The following PMS1 variants were observed in gnomAD, a reference collection of about 807,000 sequenced individuals.
The protein encoded by PMS1 is PMS1 protein homolog 1.
A neutral mutation model predicts 93.1 loss-of-function variants in PMS1; 79 were observed. The ratio of observed to expected loss-of-function variants is 0.85; its 90% CI spans 0.71 to 1.02. The LOEUF is 1.02. PMS1 is among the 50% of genes least tolerant of loss of function. The pLI, the probability that PMS1 is intolerant of heterozygous loss-of-function variation, is 0.00. For synonymous variants in PMS1, 335 were observed against 363.4 expected (o/e 0.92, Z 0.89); for missense variants, 1,064 against 1,085.3 (o/e 0.98, Z 0.28).
chr2:189,831,868 G>A (rs184802708), intron 5 of PMS1, among the ~76,000 whole-genome samples: 17 of 151,984 alleles, frequency 1.1e-4, no homozygotes, highest in Admixed American at 9.8e-4. Flanking sequence ...TGCACCCTCC[G>A]CCTCCCAGGT....
chr2:189,806,030 TG>T (rs1473424420), intron 4 of PMS1: 1 of 963,046 alleles, frequency 1.0e-6, no homozygotes, highest in Non-Finnish European at 1.5e-6. Context: ...TTACCAGTGC[TG>T]GATTACCAGT....
chr2:189,789,670 C>T (rs3762544), intron 1 of PMS1, among the ~76,000 whole-genome samples: 1 of 151,996 alleles, frequency 6.6e-6, no homozygotes, highest in East Asian at 1.9e-4. Flanking sequence ...AGAAATAATC[C>T]TAAACTGATG....
chr2:189,808,325 T>C (rs2050521383), intron 4 of PMS1, among the ~76,000 whole-genome samples: 1 of 152,036 alleles, frequency 6.6e-6, no homozygotes, highest in African/African-American at 2.4e-5. Flanking sequence ...AAACGTAATT[T>C]ATTATTATTA....
At chr2:189,870,398 T>C (rs1054078028) in intron 11 of PMS1, among the ~76,000 whole-genome samples, 24 of 152,206 alleles carry the variant, frequency 1.6e-4, no homozygotes, top group Admixed American at 6.5e-5. Context: ...CAATAAGAAT[T>C]CCATATTTTA....
rs770499815 is a variant in PMS1, at chr2:189,805,850, G to A, written c.418+96G>A. 3.2e-6 allele frequency: 5 copies of A among 1,563,484 alleles called. No homozygotes were observed. In the East Asian group the frequency reaches 1.2e-4, roughly 37 times the overall value. Reference sequence around the variant, plus strand: ...GTTACTCGGTGAATACAAATATATTGCTTTGGGCTTGGTCCTGATAAAGGC... The same window carrying A: ...GTTACTCGGTGAATACAAATATATTACTTTGGGCTTGGTCCTGATAAAGGC... On this transcript the variant is annotated intron_variant, in intron 4 of 12. Transcript: ENST00000441310.
At chr2:189,838,185 G>A (rs182476450) in intron 5 of PMS1, among the ~76,000 whole-genome samples, 4 of 152,264 alleles carry the variant, frequency 2.6e-5, no homozygotes, top group Admixed American at 2.6e-4. Flanking sequence ...TATGTTAAGA[G>A]GAAAGAAAAG....
chr2:189,874,648 T>C (rs2057411861), intron 12 of PMS1, among the ~76,000 whole-genome samples: 1 of 152,154 alleles, frequency 6.6e-6, no homozygotes, highest in Admixed American at 6.5e-5. Context: ...TTGTTTACAG[T>C]TGGTAGTGTG....
chr2:189,839,851 A>G (rs1436224264), intron 5 of PMS1, among the ~76,000 whole-genome samples: 1 of 152,210 alleles, frequency 6.6e-6, no homozygotes, highest in Non-Finnish European at 1.5e-5. Flanking sequence ...CAAACTCAAA[A>G]TTAGTTACTT....
intron 5 of PMS1, among the ~76,000 whole-genome samples, chr2:189,823,408 G>A (rs1184234048): frequency 6.6e-6 from 1 of 151,996 alleles, no homozygotes; most frequent in Non-Finnish European, 1.5e-5. Flanking sequence ...ATCTCCTAAT[G>A]CTATCCCTCC....
At chr2:189,790,734 T>G (rs1208370933) in intron 1 of PMS1, among the ~76,000 whole-genome samples, 1 of 152,198 alleles carries the variant, frequency 6.6e-6, no homozygotes, top group Non-Finnish European at 1.5e-5. Context: ...ATCATTTTAA[T>G]AAACGGCAGT....
intron 1 of PMS1, among the ~76,000 whole-genome samples, chr2:189,786,204 G>C (rs4666784): frequency 1.3e-5 from 2 of 152,074 alleles, no homozygotes. Context: ...ACTGGGAGAG[G>C]AGGCAAAAAT....
intron 9 of PMS1, among the ~76,000 whole-genome samples, chr2:189,862,388 A>C (rs1013636450): frequency 6.6e-5 from 10 of 152,096 alleles, no homozygotes; most frequent in African/African-American, 2.4e-4. Context: ...CATTATGATA[A>C]TCTTTTAAGA....
Position 189,877,422 on chromosome 2 carries a change from C to T in PMS1, c.2785C>T (p.Pro929Ser). 3 of 1,609,618 alleles carry T rather than the reference C, an allele frequency of 1.9e-6. No individual in the cohort carries two copies. Among genetic ancestry groups the T allele is most frequent in the Non-Finnish European group, 2.6e-6 (3 of 1,176,072 alleles). ...ATTTTTTCATCATTTAACCTATCTT[C>T]CAGAAACTACATGATTAAATATGTT... ...RPFFHHLTYL[P>S]ETT Residue 929 changes from proline to serine, a missense_variant, in exon 13 of 13, where the codon CCA becomes TCA. Coordinates refer to ENST00000441310, the MANE Select transcript of PMS1 (RefSeq NM_000534.5).
chr2:189,786,578 G>A (rs568694596), intron 1 of PMS1, among the ~76,000 whole-genome samples: 1 of 152,272 alleles, frequency 6.6e-6, no homozygotes, highest in South Asian at 2.1e-4. Flanking sequence ...AACATGCCAA[G>A]GTGTGCATCT....
At chr2:189,848,673 A>T (rs2054445200) in intron 6 of PMS1, among the ~76,000 whole-genome samples, 1 of 152,090 alleles carries the variant, frequency 6.6e-6, no homozygotes, top group Admixed American at 6.5e-5. Context: ...GCATGTGTTA[A>T]TGTTCCAGTT....
Position 189,837,950 on chromosome 2 carries a change from G to C in PMS1, c.583-6014G>C, listed in dbSNP as rs377406699. ...ATATATTGTATGATTCCATTTATAT[G>C]AAACATCCTAAGTGGGCAAATTTTA... On this transcript the variant is annotated intron_variant, in intron 5 of 12. Transcript: ENST00000441310. Among the ~76,000 whole-genome samples the C allele has an allele frequency of 3.9e-5, 6 of 152,298 alleles. No homozygotes were observed. The South Asian group carries it at 1.2e-3, about 32-fold the overall frequency.
intron 3 of PMS1, among the ~76,000 whole-genome samples, chr2:189,802,536 T>C (rs2049982833): frequency 6.6e-6 from 1 of 152,212 alleles, no homozygotes; most frequent in Non-Finnish European, 1.5e-5. Context: ...TTCAGACTTG[T>C]GTTGTGGAAG....
At chr2:189,824,267 A>G (rs1046833661) in intron 5 of PMS1, among the ~76,000 whole-genome samples, 1 of 152,182 alleles carries the variant, frequency 6.6e-6, no homozygotes, top group Non-Finnish European at 1.5e-5. Context: ...GTGAAATACA[A>G]TACTGAAACA....
At chr2:189,796,085 GA>G in intron 3 of PMS1, 134 bp downstream of exon 3, 2 of 741,402 alleles carry the variant, frequency 2.7e-6, no homozygotes, top group Non-Finnish European at 4.6e-6. Context: ...TAAGCCGGGC[GA>G]GGTGGCTCAC....
Sources: allele counts gnomAD v4.1 joint callset (sites outside exome capture counted in the v4.1 genomes callset), GRCh38; gene constraint gnomAD v4.1.1; transcripts MANE v1.5; gene names NCBI Gene and HGNC (gene_info 2026-07-23, HGNC 2026-07-21).